Variants in CADPS observed in about 807,000 individuals in gnomAD.
CADPS encodes calcium dependent secretion activator.
A neutral mutation model predicts 167.3 loss-of-function variants in CADPS; 57 were observed. The observed-to-expected ratio is 0.34, with a 90% CI of 0.28 to 0.42. CADPS has a LOEUF of 0.42. Ranked by LOEUF, CADPS falls within the 20% of genes least tolerant of loss-of-function variation. CADPS has a pLI of 1.00. For synonymous variants in CADPS, 676 were observed against 635.3 expected, an observed-to-expected ratio of 1.06 and a Z score of -0.96; for missense variants, 1,414 against 1,738.1, an observed-to-expected ratio of 0.81 and a Z score of 3.32.
intron 9 of CADPS, among the ~76,000 whole-genome samples, chr3:62,568,878 A>AT (rs2152437313): frequency 6.6e-6 from 1 of 152,210 alleles, no homozygotes; most frequent in Non-Finnish European, 1.5e-5. Flanking sequence ...CCATATATTC[A>AT]TTTTTTAAAC....
At chr3:62,701,455 AG>A (rs1375184561) in intron 3 of CADPS, among the ~76,000 whole-genome samples, 1 of 150,486 alleles carries the variant, frequency 6.6e-6, no homozygotes, top group African/African-American at 2.4e-5. Flanking sequence ...CCAAAGCCCA[AG>A]GGCAAAGTGA....
intron 25 of CADPS, among the ~76,000 whole-genome samples, 159 bp downstream of exon 25, chr3:62,466,180 G>A (rs779756202): frequency 6.6e-5 from 10 of 151,974 alleles, no homozygotes; most frequent in Admixed American, 3.9e-4. Context: ...CGAGATCATC[G>A]GAAAATCATT....
At chr3:62,409,726 A>C (rs1387780558) in intron 28 of CADPS, among the ~76,000 whole-genome samples, 1 of 152,246 alleles carries the variant, frequency 6.6e-6, no homozygotes, top group Non-Finnish European at 1.5e-5. Flanking sequence ...TATTCCTAAC[A>C]GAGTTTTAGA....
chr3:62,454,215 A>G (rs532985587), intron 26 of CADPS, among the ~76,000 whole-genome samples: 14 of 152,346 alleles, frequency 9.2e-5, no homozygotes, highest in East Asian at 3.9e-4. Context: ...TACTTTCTCA[A>G]TTAGTGTCTA....
chr3:62,702,646 C>A (rs1339006287), intron 3 of CADPS, among the ~76,000 whole-genome samples: 1 of 152,122 alleles, frequency 6.6e-6, no homozygotes, highest in Non-Finnish European at 1.5e-5. Context: ...TTCTGGCAAT[C>A]TCTGTCCAGT....
At chr3:62,801,080 T>C (rs1357046353) in intron 1 of CADPS, among the ~76,000 whole-genome samples, 1 of 152,196 alleles carries the variant, frequency 6.6e-6, no homozygotes, top group Non-Finnish European at 1.5e-5. Context: ...AACCTTGGAC[T>C]GTGAACCTGT....
At chr3:62,513,213 T>C (rs936758942) in intron 16 of CADPS, among the ~76,000 whole-genome samples, 1 of 152,044 alleles carries the variant, frequency 6.6e-6, no homozygotes, top group Admixed American at 6.6e-5. Context: ...CCATAATAGT[T>C]TGGCATCTTA....
intron 6 of CADPS, among the ~76,000 whole-genome samples, chr3:62,600,462 C>T (rs2059795132): frequency 1.3e-5 from 2 of 152,274 alleles, no homozygotes; most frequent in South Asian, 4.1e-4. Flanking sequence ...TGTATTGGGA[C>T]ATGTGTGTCT....
intron 1 of CADPS, among the ~76,000 whole-genome samples, chr3:62,851,415 G>A (rs1283861800): frequency 4.2e-5 from 6 of 144,018 alleles, no homozygotes; most frequent in Non-Finnish European, 9.2e-5. Context: ...GCTGGTACTG[G>A]TTGTTCCTTT....
rs187029267 is a variant in CADPS at position 62,783,988 on chromosome 3, C to A, written c.442-18004G>T. ...AAATGAAATGATGTCTAGAGTGTGA[C>A]CTCTGAATACCATTTCCTATGAAAC... is the stretch of plus-strand genomic sequence containing the variant. On this transcript the variant is annotated intron_variant, in intron 1 of 29. Transcript: ENST00000383710. 8.1e-4 allele frequency among the ~76,000 whole-genome samples: 124 copies of A among 152,230 alleles called. 1 individual carries two copies. The highest frequency in any genetic ancestry group is 2.8e-3 in the African/African-American group (117 of 41,546).
intron 28 of CADPS, among the ~76,000 whole-genome samples, chr3:62,432,672 G>A (rs1334782775): frequency 6.6e-6 from 1 of 152,132 alleles, no homozygotes; most frequent in Admixed American, 6.5e-5. Flanking sequence ...GCTCGATGCT[G>A]CAGATTCATA....
At position 62,736,202 on chromosome 3, in the gene CADPS, T is replaced by G. The variant is rs79692632; in HGVS notation, c.888+17239A>C. On this transcript the variant is annotated intron_variant, in intron 3 of 29. Coordinates refer to ENST00000383710, the MANE Select transcript of CADPS (RefSeq NM_003716.4). ...AAGGGGAAATAGGAAGATGTTCTCC[T>G]TGCTTTGTTGTAGAGCTGTGAAGAC... 2.5e-4 allele frequency among the ~76,000 whole-genome samples: 38 copies of G among 152,346 alleles called. No homozygotes were observed. The East Asian group carries it at 5.0e-3, about 20-fold the overall frequency.
chr3:62,647,938 G>A (rs1579561200), intron 5 of CADPS, among the ~76,000 whole-genome samples: 2 of 152,298 alleles, frequency 1.3e-5, no homozygotes, highest in Middle Eastern at 6.8e-3. Flanking sequence ...GTTAGCACAT[G>A]CCCTTTGCCC....
intron 3 of CADPS, among the ~76,000 whole-genome samples, chr3:62,676,624 T>C (rs889353839): frequency 1.3e-5 from 2 of 152,098 alleles, no homozygotes; most frequent in African/African-American, 4.8e-5. Context: ...TTATTGTCGG[T>C]GTTGATGGTG....
chr3:62,634,293 C>T (rs1250389825), intron 6 of CADPS, among the ~76,000 whole-genome samples: 1 of 152,068 alleles, frequency 6.6e-6, no homozygotes, highest in Non-Finnish European at 1.5e-5. Flanking sequence ...TTAAAGATAT[C>T]GAGTTGTACT....
At chr3:62,859,136 A>G (rs111245944) in intron 1 of CADPS, among the ~76,000 whole-genome samples, 3 of 152,166 alleles carry the variant, frequency 2.0e-5, no homozygotes, top group African/African-American at 7.2e-5. Context: ...CTGCATCACA[A>G]ATCTCCCTAA....
Position 62,544,965 on chromosome 3 carries a change from G to A in CADPS, c.1966+4938C>T. On this transcript the variant is annotated intron_variant, in intron 11 of 29. Transcript: ENST00000383710. The surrounding 1 kb of genome is among the most constrained non-coding windows in gnomAD (Gnocchi z 4.4). ...TCTAACCTAGCAGCCTAAGTTCTTG[G>A]GTTCGAGCAAAGATTGAACAAGAAA... The A allele has an allele frequency of 1.9e-6, 1 of 522,174 alleles. No homozygotes were observed. Among genetic ancestry groups the A allele is most frequent in the South Asian group, 3.1e-5 (1 of 32,188 alleles). 32.3% of individuals were successfully genotyped at this position (522,174 alleles called of 1,614,324 possible).
chr3:62,654,994 G>A (rs558163111), intron 4 of CADPS, among the ~76,000 whole-genome samples: 6 of 152,170 alleles, frequency 3.9e-5, no homozygotes, highest in South Asian at 2.1e-4. Flanking sequence ...TAGGAGGCCC[G>A]GTGGTTACAG....
intron 6 of CADPS, among the ~76,000 whole-genome samples, chr3:62,613,483 C>A (rs974009800): frequency 2.0e-5 from 3 of 152,116 alleles, no homozygotes; most frequent in Non-Finnish European, 4.4e-5. Flanking sequence ...TGTAGGATTT[C>A]TCAGAGCCTT....
Sources: allele counts gnomAD v4.1 joint callset (sites outside exome capture counted in the v4.1 genomes callset), GRCh38; gene constraint gnomAD v4.1.1; non-coding constraint Gnocchi (gnomAD v3.1); transcripts MANE v1.5; gene names NCBI Gene and HGNC (gene_info 2026-07-23, HGNC 2026-07-21).